The following B3GLCT variants were observed in gnomAD, a reference collection of about 807,000 sequenced individuals.
B3GLCT encodes beta 3-glucosyltransferase, also known as beta-1,3-glucosyltransferase.
Under a neutral mutation model 63.4 loss-of-function variants are expected in B3GLCT, and 65 were observed. The ratio of observed to expected loss-of-function variants is 1.03; its 90% CI spans 0.84 to 1.26. The LOEUF is 1.26. Among genes scored for constraint, B3GLCT ranks in the 50% most tolerant of loss-of-function variants. The pLI is 0.00. For missense variants in B3GLCT, 577 were observed against 604.8 expected, an observed-to-expected ratio of 0.95 and a Z score of 0.48; for synonymous variants, 233 against 219.2, an observed-to-expected ratio of 1.06 and a Z score of -0.55.
At chr13:31,262,190 T>C (rs1193819128) in intron 7 of B3GLCT, among the ~76,000 whole-genome samples, 1 of 151,674 alleles carries the variant, frequency 6.6e-6, no homozygotes, top group Non-Finnish European at 1.5e-5. Context: ...GGTACAAATC[T>C]GGGGGTTCTT....
chr13:31,285,090 G>A (rs1047885718), intron 11 of B3GLCT, among the ~76,000 whole-genome samples: 5 of 152,130 alleles, frequency 3.3e-5, no homozygotes, highest in Non-Finnish European at 2.9e-5. Flanking sequence ...CTCCTTGTCA[G>A]TCTTATAGTC....
intron 1 of B3GLCT, among the ~76,000 whole-genome samples, chr13:31,212,708 A>T (rs913436665): frequency 2.6e-5 from 4 of 152,204 alleles, no homozygotes; most frequent in Admixed American, 1.3e-4. Flanking sequence ...CACCACGCTC[A>T]GTGGGAGATG....
At chr13:31,242,547 C>T (rs1445848961) in intron 4 of B3GLCT, among the ~76,000 whole-genome samples, 1 of 152,230 alleles carries the variant, frequency 6.6e-6, no homozygotes, top group Non-Finnish European at 1.5e-5. Context: ...TGTCATCTCA[C>T]ATGAGAGAAT....
At chr13:31,242,413 A>C (rs1870999654) in intron 4 of B3GLCT, among the ~76,000 whole-genome samples, 1 of 152,218 alleles carries the variant, frequency 6.6e-6, no homozygotes, top group Non-Finnish European at 1.5e-5. Flanking sequence ...GTATTCCTAG[A>C]ACAGTACCTG....
intron 10 of B3GLCT, among the ~76,000 whole-genome samples, chr13:31,280,034 G>C (rs1872988718): frequency 6.6e-6 from 1 of 152,132 alleles, no homozygotes; most frequent in African/African-American, 2.4e-5. Flanking sequence ...CTGTTATCCT[G>C]TTCTTTTTTC....
chr13:31,213,621 A>ACC lies in B3GLCT; in HGVS notation c.71-1419_71-1418dup, dbSNP rs71099943. On this transcript the variant is annotated intron_variant, in intron 1 of 14. Transcript: ENST00000343307. ...AAACAAAACAACACCCCCCCACCCC[A>ACC]CCCCCCCCCCCCGCCAAAACTCACT... Among the ~76,000 whole-genome samples the ACC allele has an allele frequency of 5.6e-3, 307 of 54,882 alleles. 9 individuals are homozygous for ACC. The highest frequency in any genetic ancestry group is 0.045 in the East Asian group (30 of 662). The allele number at this position is 54,882 out of a possible 152,430, so 36.0% of individuals were successfully genotyped here.
At chr13:31,272,350 G>A (rs865841515) in intron 8 of B3GLCT, among the ~76,000 whole-genome samples, 6 of 151,902 alleles carry the variant, frequency 3.9e-5, no homozygotes, top group South Asian at 4.2e-4. Flanking sequence ...GATTAGCTGG[G>A]ATTACAGGTG....
At chr13:31,329,004 C>A (rs1021124553) in intron 14 of B3GLCT, among the ~76,000 whole-genome samples, 8 of 152,180 alleles carry the variant, frequency 5.3e-5, no homozygotes, top group African/African-American at 1.7e-4. Flanking sequence ...TTATCCTCCT[C>A]CCGAGTGAGC....
At chr13:31,317,781 T>A in intron 13 of B3GLCT, 96 bp downstream of exon 13, 1 of 1,450,228 alleles carries the variant, frequency 6.9e-7, no homozygotes, top group Non-Finnish European at 9.6e-7. Flanking sequence ...ATACTGTACG[T>A]GAGTACTCTG....
chr13:31,265,246 A>G (rs1273240744), intron 7 of B3GLCT, among the ~76,000 whole-genome samples: 1 of 152,186 alleles, frequency 6.6e-6, no homozygotes, highest in Non-Finnish European at 1.5e-5. Context: ...AGGGAATTTC[A>G]TTGATTATTC....
intron 6 of B3GLCT, among the ~76,000 whole-genome samples, chr13:31,256,999 T>G (rs1871776578): frequency 6.6e-6 from 1 of 152,216 alleles, no homozygotes; most frequent in Non-Finnish European, 1.5e-5. Flanking sequence ...GTCCTTTTAA[T>G]GAAATCATTA....
chr13:31,229,378 A>G (rs929634585), intron 4 of B3GLCT, 84 bp downstream of exon 4: 3 of 841,614 alleles, frequency 3.6e-6, no homozygotes, highest in African/African-American at 1.7e-5. Context: ...TCCGTGGAGA[A>G]TCAGTTTTTA....
chr13:31,242,271 TA>T (rs1870991609), intron 4 of B3GLCT, among the ~76,000 whole-genome samples: 2 of 152,176 alleles, frequency 1.3e-5, no homozygotes, highest in South Asian at 4.1e-4. Context: ...TCTCTTCATA[TA>T]GCTCTGTTCT....
In B3GLCT at chr13:31,297,496, C is replaced by A. The variant is rs1242049251; in HGVS notation, c.1064+10677C>A. On this transcript the variant is annotated intron_variant, in intron 12 of 14. Transcript: ENST00000343307. ...TATTTTCCCCTCTGTTCTCACACTG[C>A]AATAATCATCAACACAGAAGACAAC... is the stretch of plus-strand genomic sequence containing the variant. Among the ~76,000 whole-genome samples, 3 of 151,684 alleles carry A rather than the reference C, an allele frequency of 2.0e-5. No homozygotes were observed. The East Asian group carries it at 5.8e-4, about 29-fold the overall frequency.
intron 12 of B3GLCT, among the ~76,000 whole-genome samples, chr13:31,297,497 A>G (rs1487902717): frequency 6.6e-6 from 1 of 151,824 alleles, no homozygotes; most frequent in Non-Finnish European, 1.5e-5. Context: ...CTCACACTGC[A>G]ATAATCATCA....
rs1872694579 is a variant in B3GLCT at position 31,274,512 on chromosome 13, G to A, written c.664G>A (p.Ala222Thr). The A allele has an allele frequency of 1.9e-6, 3 of 1,614,134 alleles. No individual in the cohort carries two copies. The highest frequency in any genetic ancestry group is 2.5e-6 in the Non-Finnish European group (3 of 1,180,010). Residue 222 changes from alanine (A) to threonine (T), a missense_variant, in exon 9 of 15, where the codon GCC becomes ACC. Physicochemically the swap from Ala to Thr is moderately conservative, Grantham distance 58. Coordinates refer to ENST00000343307, the MANE Select transcript of B3GLCT (RefSeq NM_194318.4). ...CCTGTCTCCTGTCTCGTGGCAGATT[G>A]CCCTCTACATCTGGGACAAAGGCGG... Reference protein sequence around the residue: ...DFTIDLKHEIALYIWDKGGGP... With the variant: ...DFTIDLKHEITLYIWDKGGGP...
At chr13:31,298,476 G>A (rs1380121059) in intron 12 of B3GLCT, among the ~76,000 whole-genome samples, 2 of 152,110 alleles carry the variant, frequency 1.3e-5, no homozygotes, top group African/African-American at 2.4e-5. Flanking sequence ...CAAACAAATA[G>A]CTTTACCTTT....
intron 4 of B3GLCT, among the ~76,000 whole-genome samples, chr13:31,239,826 T>A (rs1269855711): frequency 3.9e-5 from 6 of 152,156 alleles, no homozygotes; most frequent in Admixed American, 3.9e-4. Context: ...TTACGTAAGA[T>A]TAAATTGGAA....
chr13:31,316,110 C>A (rs1027569866), intron 12 of B3GLCT, among the ~76,000 whole-genome samples: 3 of 152,234 alleles, frequency 2.0e-5, no homozygotes, highest in Admixed American at 6.5e-5. Flanking sequence ...TCTGCTATGG[C>A]AGTGCAGAAG....
Sources: gnomAD v4.1 joint callset for allele counts (sites outside exome capture counted in the v4.1 genomes callset) on GRCh38, gnomAD v4.1.1 for gene constraint, MANE v1.5 for transcripts, NCBI Gene and HGNC (gene_info 2026-07-23, HGNC 2026-07-21) for gene names.